The following RPS6KC1 variants were observed in gnomAD, a reference collection of about 807,000 sequenced individuals.
RPS6KC1 encodes the protein inactive ribosomal protein S6 kinase delta-1.
RPS6KC1 carries 54 observed loss-of-function variants against 103.8 expected under a neutral mutation model. The ratio of observed to expected loss-of-function variants is 0.52; its 90% confidence interval spans 0.42 to 0.65. The LOEUF is 0.65. Among genes scored for constraint, RPS6KC1 ranks in the 30% least tolerant of loss-of-function variants. The probability of loss-of-function intolerance (pLI) is 0.00; values close to 1 mark genes in which losing one functional copy is unlikely to be tolerated. For synonymous variants in RPS6KC1, 439 were observed against 438.7 expected (o/e 1.00, Z -0.01); for missense variants, 1,151 against 1,253.8 (o/e 0.92, Z 1.24).
chr1:213,404,635 C>T, the RPS6KC1 span, among the ~76,000 whole-genome samples: 2 of 152,094 alleles, frequency 1.3e-5, no homozygotes, highest in Non-Finnish European at 2.9e-5. Flanking sequence ...GCGGGTGAAG[C>T]AATGTTTAAT....
the RPS6KC1 span, among the ~76,000 whole-genome samples, chr1:213,413,893 C>G: frequency 6.6e-6 from 1 of 152,316 alleles, no homozygotes; most frequent in South Asian, 2.1e-4. Context: ...TTTGCAGGAT[C>G]AGGGCATAGC....
the RPS6KC1 span, among the ~76,000 whole-genome samples, chr1:213,357,295 G>A: frequency 5.3e-3 from 797 of 151,766 alleles, 4 homozygotes; most frequent in Non-Finnish European, 8.9e-3. Flanking sequence ...CTTCCCTAGT[G>A]GTGCACACCT....
chr1:213,784,152 T>C, the RPS6KC1 span, among the ~76,000 whole-genome samples: 1 of 152,222 alleles, frequency 6.6e-6, no homozygotes, highest in Admixed American at 6.5e-5. Flanking sequence ...CACTTGATGC[T>C]GACAGCCAGG....
chr1:213,140,279 C>T (rs147296524), intron 6 of RPS6KC1, among the ~76,000 whole-genome samples: 26 of 151,980 alleles, frequency 1.7e-4, no homozygotes, highest in African/African-American at 5.3e-4. Context: ...TAGTATCTTG[C>T]GAAGAAAGAT....
chr1:213,070,528 C>T (rs1250009403), intron 1 of RPS6KC1, among the ~76,000 whole-genome samples: 2 of 151,730 alleles, frequency 1.3e-5, no homozygotes, highest in African/African-American at 4.8e-5. Context: ...AGTGTAGGTC[C>T]AGAGAGACTC....
chr1:213,721,866 C>T, the RPS6KC1 span, among the ~76,000 whole-genome samples: 7 of 152,304 alleles, frequency 4.6e-5, no homozygotes, highest in African/African-American at 1.4e-4. Flanking sequence ...CCTCCCTGCC[C>T]CTGCCCCCTT....
At chr1:213,109,929 ATTCC>A (rs1443846634) in intron 4 of RPS6KC1, among the ~76,000 whole-genome samples, 2 of 151,964 alleles carry the variant, frequency 1.3e-5, no homozygotes, top group Non-Finnish European at 2.9e-5. Flanking sequence ...TCAGTAGTTC[ATTCC>A]TTATTATGGC....
chr1:213,307,067 T>G, the RPS6KC1 span, among the ~76,000 whole-genome samples: 2 of 150,044 alleles, frequency 1.3e-5, no homozygotes, highest in Non-Finnish European at 3.0e-5. Context: ...CAGGTTTTTT[T>G]TTTTTTTTTT....
At chr1:213,142,610 C>T (rs1305182720) in intron 6 of RPS6KC1, among the ~76,000 whole-genome samples, 1 of 151,938 alleles carries the variant, frequency 6.6e-6, no homozygotes, top group Non-Finnish European at 1.5e-5. Flanking sequence ...GCATTGGTTT[C>T]ACAGGGTTGC....
At chr1:213,832,905 C>T in the RPS6KC1 span, among the ~76,000 whole-genome samples, 1 of 152,078 alleles carries the variant, frequency 6.6e-6, no homozygotes, top group Non-Finnish European at 1.5e-5. Flanking sequence ...TCCCATAGAC[C>T]TCCCCTTCCT....
rs573972795 is a variant in RPS6KC1, at chr1:213,161,592, A to T, written c.836-6266A>T. Among the ~76,000 whole-genome samples, 13 of 152,338 alleles carry T rather than the reference A, an allele frequency of 8.5e-5. No homozygotes were observed. The South Asian group carries it at 2.7e-3, about 32-fold the overall frequency. On this transcript the variant is annotated intron_variant, in intron 6 of 14. Transcript: ENST00000366960. ...TGCTTTGGCCTCCCAAAGTGCTGGGATTACAGGTGTGACCCACTGCACCTG... is the reference window on the plus strand; with the variant it reads ...TGCTTTGGCCTCCCAAAGTGCTGGGTTTACAGGTGTGACCCACTGCACCTG...
chr1:213,312,847 T>C, the RPS6KC1 span, among the ~76,000 whole-genome samples: 1 of 152,246 alleles, frequency 6.6e-6, no homozygotes, highest in African/African-American at 2.4e-5. Flanking sequence ...ACAGTAATAA[T>C]GTACACAACA....
chr1:213,361,958 A>G, the RPS6KC1 span, among the ~76,000 whole-genome samples: 1 of 152,182 alleles, frequency 6.6e-6, no homozygotes, highest in African/African-American at 2.4e-5. Context: ...TGTGTGCACA[A>G]GTGTCTCTCT....
At chr1:213,361,686 G>A in the RPS6KC1 span, among the ~76,000 whole-genome samples, 3 of 152,198 alleles carry the variant, frequency 2.0e-5, no homozygotes, top group African/African-American at 4.8e-5. Context: ...TCTTGGAACT[G>A]CCCTGCGGTC....
chr1:213,714,810 C>T, the RPS6KC1 span, among the ~76,000 whole-genome samples: 25 of 152,268 alleles, frequency 1.6e-4, no homozygotes, highest in East Asian at 1.2e-3. Context: ...ACGTTGCTGC[C>T]GCTGGTGGGG....
intron 1 of RPS6KC1, 53 bp from the exon 2 acceptor site, chr1:213,070,953 G>T: frequency 9.0e-7 from 1 of 1,116,616 alleles, no homozygotes; most frequent in South Asian, 1.5e-5. Context: ...ATACAAATAT[G>T]AAATCTTAAA....
chr1:213,323,376 A>G, the RPS6KC1 span, among the ~76,000 whole-genome samples: 1 of 152,198 alleles, frequency 6.6e-6, no homozygotes, highest in Non-Finnish European at 1.5e-5. Context: ...AGGCAGGTGC[A>G]GGATGAAGGT....
chr1:213,566,737 T>G, the RPS6KC1 span, among the ~76,000 whole-genome samples: 2 of 150,900 alleles, frequency 1.3e-5, no homozygotes, highest in African/African-American at 4.9e-5. Flanking sequence ...TATGACTATG[T>G]TTTTTTTTGT....
At chr1:213,314,336 A>G in the RPS6KC1 span, among the ~76,000 whole-genome samples, 1 of 152,230 alleles carries the variant, frequency 6.6e-6, no homozygotes. Context: ...GGACTTCAAC[A>G]TAGCTTTCTG....
Sources: gnomAD v4.1 joint callset for allele counts (sites outside exome capture counted in the v4.1 genomes callset) on GRCh38, gnomAD v4.1.1 for gene constraint, MANE v1.5 for transcripts, NCBI Gene and HGNC (gene_info 2026-07-23, HGNC 2026-07-21) for gene names.